NCOA1: variants seen among roughly 807,000 people sequenced by gnomAD.
NCOA1 encodes the protein Hin-2 protein.
NCOA1 carries 35 observed loss-of-function variants against 150.9 expected under a neutral mutation model. The observed-to-expected ratio is 0.23, with a 90% CI of 0.18 to 0.31. NCOA1 has a LOEUF of 0.31. Ranked by LOEUF, NCOA1 falls within the 10% of genes least tolerant of loss-of-function variation. The probability of loss-of-function intolerance (pLI) is 1.00; values close to 1 mark genes in which losing one functional copy is unlikely to be tolerated. For synonymous variants in NCOA1, 590 were observed against 630.0 expected, an observed-to-expected ratio of 0.94 and a Z score of 0.95; for missense variants, 1,491 against 1,749.3, an observed-to-expected ratio of 0.85 and a Z score of 2.63.
chr2:24,509,851 A>G (rs1407165486), intron 1 of NCOA1, among the ~76,000 whole-genome samples: 1 of 152,144 alleles, frequency 6.6e-6, no homozygotes, highest in African/African-American at 2.4e-5. Flanking sequence ...AATGTATAAT[A>G]TTTTATCTCT....
chr2:24,655,229 G>A (rs566120784), intron 4 of NCOA1, among the ~76,000 whole-genome samples: 2 of 151,986 alleles, frequency 1.3e-5, no homozygotes, highest in Non-Finnish European at 2.9e-5. Context: ...AAGTTTTTTG[G>A]CTAGTATTTA....
At chr2:24,617,870 TATACACAC>T (rs1668942204) in intron 3 of NCOA1, among the ~76,000 whole-genome samples, 1 of 152,048 alleles carries the variant, frequency 6.6e-6, no homozygotes, top group South Asian at 2.1e-4. Flanking sequence ...AAAACTGTGA[TATACACAC>T]ACACGCACAC....
chr2:24,703,957 A>T (rs1293410621), intron 11 of NCOA1, among the ~76,000 whole-genome samples: 4 of 152,194 alleles, frequency 2.6e-5, no homozygotes, highest in South Asian at 4.1e-4. Context: ...TTATTAAAAC[A>T]TCAGTGATAT....
rs1040832214 is a variant in NCOA1, at chr2:24,549,596, TCA to T, written c.-395-14697_-395-14696del. On this transcript the variant is annotated intron_variant, in intron 1 of 22. Transcript: ENST00000348332. Reference sequence around the variant, plus strand: ...TTCCCTTTTCTTTTAAGACAGAGTCTCACTCTGTCACCCAGGCTGGAGTGCAG... The same window carrying T: ...TTCCCTTTTCTTTTAAGACAGAGTCTCTCTGTCACCCAGGCTGGAGTGCAG... Among the ~76,000 whole-genome samples the T allele has an allele frequency of 7.2e-4, 109 of 152,300 alleles. 1 individual carries two copies. The highest frequency in any genetic ancestry group is 2.5e-3 in the African/African-American group (104 of 41,558).
rs1188200605 is a variant in NCOA1 at position 24,768,639 on chromosome 2, A to G, written c.*248A>G. The stretch of plus-strand genomic sequence containing the variant: ...AATACCAAGGCAGAACAGTTGGACA[A>G]TCTATTTCTTGAGCCAAATTTAATT... On this transcript the variant is annotated 3_prime_UTR_variant, in exon 23 of 23. Transcript: ENST00000348332. 3 of 297,548 alleles carry G rather than the reference A, an allele frequency of 1.0e-5. No homozygotes were observed. Among genetic ancestry groups the G allele is most frequent in the South Asian group, 2.9e-4 (2 of 7,012 alleles). 18.4% of individuals were successfully genotyped at this position (297,548 alleles called of 1,614,324 possible).
chr2:24,591,018 T>G (rs1001157445), intron 3 of NCOA1, among the ~76,000 whole-genome samples: 2 of 152,224 alleles, frequency 1.3e-5, no homozygotes, highest in African/African-American at 4.8e-5. Context: ...CCAGTATTTG[T>G]TGAATGATTA....
chr2:24,499,489 T>C (rs1663363488), intron 1 of NCOA1, among the ~76,000 whole-genome samples: 1 of 152,196 alleles, frequency 6.6e-6, no homozygotes, highest in Non-Finnish European at 1.5e-5. Flanking sequence ...TTGTTCTTAG[T>C]GTACTTCTTT....
chr2:24,664,739 G>A (rs1382950448), intron 5 of NCOA1, among the ~76,000 whole-genome samples: 1 of 151,908 alleles, frequency 6.6e-6, no homozygotes, highest in Non-Finnish European at 1.5e-5. Flanking sequence ...AAAAGTAAAT[G>A]GTATCTTAAT....
chr2:24,634,529 A>G (rs1669847617), intron 3 of NCOA1, among the ~76,000 whole-genome samples: 2 of 152,206 alleles, frequency 1.3e-5, no homozygotes, highest in South Asian at 2.1e-4. Flanking sequence ...TGCATTAACC[A>G]GTACATACGC....
chr2:24,524,007 G>A (rs1350428605), intron 1 of NCOA1, among the ~76,000 whole-genome samples: 1 of 147,596 alleles, frequency 6.8e-6, no homozygotes, highest in Non-Finnish European at 1.5e-5. Flanking sequence ...AAGGAGAAAA[G>A]TTGTGAAGAA....
chr2:24,716,362 A>T (rs1674043880), intron 14 of NCOA1, among the ~76,000 whole-genome samples: 1 of 152,150 alleles, frequency 6.6e-6, no homozygotes, highest in Admixed American at 6.5e-5. Context: ...AGACATATAG[A>T]TCAATGCAAA....
At chr2:24,695,702 T>G (rs1039296468) in intron 10 of NCOA1, among the ~76,000 whole-genome samples, 1 of 152,174 alleles carries the variant, frequency 6.6e-6, no homozygotes, top group South Asian at 2.1e-4. Flanking sequence ...ACAGTGGGGC[T>G]TTTTATTGTT....
At chr2:24,643,642 G>A (rs2148462309) in intron 3 of NCOA1, among the ~76,000 whole-genome samples, 1 of 152,180 alleles carries the variant, frequency 6.6e-6, no homozygotes, top group African/African-American at 2.4e-5. Context: ...GAATTTATAA[G>A]TAGGAAGAAG....
intron 14 of NCOA1, among the ~76,000 whole-genome samples, chr2:24,722,928 T>G (rs1469029037): frequency 2.1e-5 from 3 of 141,446 alleles, no homozygotes; most frequent in African/African-American, 7.8e-5. Context: ...GAGGTGGAGG[T>G]TGCAGTGAGC....
intron 1 of NCOA1, among the ~76,000 whole-genome samples, chr2:24,513,586 A>ATG (rs149865947): frequency 5.0e-4 from 75 of 151,454 alleles, no homozygotes; most frequent in Middle Eastern, 6.9e-3. Flanking sequence ...TGTAAGGAAA[A>ATG]TGTGTGTGTG....
intron 3 of NCOA1, among the ~76,000 whole-genome samples, chr2:24,591,530 A>G (rs1667657211): frequency 6.6e-6 from 1 of 152,142 alleles, no homozygotes; most frequent in Non-Finnish European, 1.5e-5. Flanking sequence ...TACTATTTGG[A>G]ATATCTGCCA....
chr2:24,649,974 A>T (rs150933243), intron 4 of NCOA1, among the ~76,000 whole-genome samples: 131 of 152,296 alleles, frequency 8.6e-4, no homozygotes, highest in African/African-American at 3.0e-3. Context: ...ATTCTCTTTT[A>T]CAAAAAGCAC....
chr2:24,720,450 C>A (rs1321178364), intron 14 of NCOA1, among the ~76,000 whole-genome samples: 3 of 152,204 alleles, frequency 2.0e-5, no homozygotes, highest in African/African-American at 7.2e-5. Context: ...TCCCTTGAGG[C>A]TTCCCCTCCG....
At chr2:24,636,593 T>A (rs1378164626) in intron 3 of NCOA1, among the ~76,000 whole-genome samples, 2 of 152,158 alleles carry the variant, frequency 1.3e-5, no homozygotes, top group Non-Finnish European at 2.9e-5. Flanking sequence ...AACCTAACTT[T>A]TATTTCTCTT....
Sources: allele counts gnomAD v4.1 joint callset (sites outside exome capture counted in the v4.1 genomes callset), GRCh38; gene constraint gnomAD v4.1.1; transcripts MANE v1.5; gene names NCBI Gene and HGNC (gene_info 2026-07-23, HGNC 2026-07-21).